The following PLS1 variants were observed in gnomAD, a reference collection of about 807,000 sequenced individuals.
PLS1 encodes plastin 1, also known as plastin-1.
PLS1 carries 32 observed loss-of-function variants against 73.7 expected under a neutral mutation model. The ratio of observed to expected loss-of-function variants is 0.43; its 90% CI spans 0.33 to 0.58. PLS1 has a LOEUF of 0.58. Ranked by LOEUF, PLS1 falls within the 20% of genes least tolerant of loss-of-function variation. The probability of loss-of-function intolerance (pLI) is 0.04; values close to 1 mark genes in which losing one functional copy is unlikely to be tolerated. For missense variants in PLS1, 633 were observed against 740.5 expected (o/e 0.85, Z 1.68); for synonymous variants, 217 against 261.3 (o/e 0.83, Z 1.63).
intron 1 of PLS1, among the ~76,000 whole-genome samples, chr3:142,631,639 C>T (rs1435207449): frequency 1.9e-5 from 2 of 104,744 alleles, no homozygotes; most frequent in Admixed American, 3.0e-4. Flanking sequence ...CCAGCCTAGA[C>T]AACAGAGTTG....
intron 11 of PLS1, among the ~76,000 whole-genome samples, chr3:142,695,982 T>C (rs1451300350): frequency 1.3e-5 from 2 of 152,002 alleles, no homozygotes; most frequent in Non-Finnish European, 2.9e-5. Flanking sequence ...TTAGTAGAGA[T>C]GGGGTTTCTC....
chr3:142,664,687 G>T (rs2037439787), intron 2 of PLS1, among the ~76,000 whole-genome samples: 1 of 152,108 alleles, frequency 6.6e-6, no homozygotes. Context: ...CTGACTTCAT[G>T]CAGAATATTT....
At chr3:142,610,632 G>T (rs1708353726) in intron 1 of PLS1, among the ~76,000 whole-genome samples, 1 of 151,926 alleles carries the variant, frequency 6.6e-6, no homozygotes, top group African/African-American at 2.4e-5. Context: ...TTGTTAGTTT[G>T]TCCTTTTGAT....
At chr3:142,651,079 G>A (rs2037077581) in intron 1 of PLS1, among the ~76,000 whole-genome samples, 1 of 152,134 alleles carries the variant, frequency 6.6e-6, no homozygotes, top group Admixed American at 6.5e-5. Flanking sequence ...AATTTAGAGA[G>A]CAAATGTTTT....
At chr3:142,648,641 GT>G (rs2037011838) in intron 1 of PLS1, among the ~76,000 whole-genome samples, 1 of 152,196 alleles carries the variant, frequency 6.6e-6, no homozygotes, top group African/African-American at 2.4e-5. Context: ...CATTTCTAAT[GT>G]TCCTACATAA....
At chr3:142,608,209 A>C (rs1216804090) in intron 1 of PLS1, among the ~76,000 whole-genome samples, 2 of 152,180 alleles carry the variant, frequency 1.3e-5, no homozygotes, top group African/African-American at 2.4e-5. Context: ...GCAGACATTT[A>C]ACTTAAGATA....
intron 4 of PLS1, among the ~76,000 whole-genome samples, chr3:142,673,320 G>A: frequency 6.6e-6 from 1 of 152,070 alleles, no homozygotes; most frequent in African/African-American, 2.4e-5. Context: ...TGTGAGCCAT[G>A]GTACCTGGCC....
intron 1 of PLS1, among the ~76,000 whole-genome samples, chr3:142,603,020 C>T (rs1560025594): frequency 2.0e-5 from 3 of 152,122 alleles, no homozygotes; most frequent in Admixed American, 6.5e-5. Flanking sequence ...CATCCAGTTC[C>T]GAATTAACAT....
chr3:142,620,776 T>C (rs954150192), intron 1 of PLS1, among the ~76,000 whole-genome samples: 8 of 152,100 alleles, frequency 5.3e-5, no homozygotes, highest in Middle Eastern at 3.2e-3. Flanking sequence ...CACAGCACTT[T>C]GGGAGGCCAA....
chr3:142,599,011 A>C (rs2035863074), intron 1 of PLS1, among the ~76,000 whole-genome samples: 1 of 151,974 alleles, frequency 6.6e-6, no homozygotes, highest in Admixed American at 6.6e-5. Context: ...AAAAAAAAAA[A>C]AAGTACCTCG....
At chr3:142,675,443 C>T (rs1334078344) in intron 4 of PLS1, among the ~76,000 whole-genome samples, 3 of 151,974 alleles carry the variant, frequency 2.0e-5, no homozygotes, top group Admixed American at 6.6e-5. Flanking sequence ...AGTGCAGTGG[C>T]GCGATCTCGG....
chr3:142,670,594 T>C (rs2037584601), intron 3 of PLS1, among the ~76,000 whole-genome samples: 1 of 152,228 alleles, frequency 6.6e-6, no homozygotes, highest in Non-Finnish European at 1.5e-5. Context: ...TGTAAGCCTA[T>C]GTTATTTCCT....
intron 6 of PLS1, among the ~76,000 whole-genome samples, chr3:142,682,540 C>T (rs1030072304): frequency 6.6e-6 from 1 of 152,174 alleles, no homozygotes; most frequent in African/African-American, 2.4e-5. Flanking sequence ...TTTTGGCCCA[C>T]AGTACCATGC....
chr3:142,701,531 C>T (rs574984870), intron 12 of PLS1, among the ~76,000 whole-genome samples: 4 of 152,156 alleles, frequency 2.6e-5, no homozygotes, highest in African/African-American at 9.7e-5. Flanking sequence ...CCTCTAGGAA[C>T]CTAATTTCTC....
chr3:142,638,249 C>G (rs2036741967), intron 1 of PLS1, among the ~76,000 whole-genome samples: 1 of 152,198 alleles, frequency 6.6e-6, no homozygotes, highest in Non-Finnish European at 1.5e-5. Flanking sequence ...TTCTTCCACT[C>G]TAAAAAGTGA....
intron 2 of PLS1, among the ~76,000 whole-genome samples, chr3:142,668,442 C>T (rs936966803): frequency 1.3e-5 from 2 of 152,110 alleles, no homozygotes; most frequent in Non-Finnish European, 2.9e-5. Flanking sequence ...AGAACTGCCA[C>T]CAAATGAAAC....
rs1171297517 is a variant in PLS1, at chr3:142,650,211, C to CTTTTTTTTT, written c.-36-13974_-36-13966dup. On this transcript the variant is annotated intron_variant, in intron 1 of 15. Coordinates refer to ENST00000457734, the MANE Select transcript of PLS1 (RefSeq NM_001145319.2). ...GCAGTGTTGGTTTTGGCTTCTTCTT[C>CTTTTTTTTT]TTTTTTTTTTTTTTTTTTTTTTTTT... Among the ~76,000 whole-genome samples the CTTTTTTTTT allele has an allele frequency of 2.3e-3, 161 of 70,898 alleles. 2 individuals carry two copies. The highest frequency in any genetic ancestry group is 2.7e-3 in the African/African-American group (48 of 17,534). 46.5% of individuals were successfully genotyped at this position (70,898 alleles called of 152,430 possible).
chr3:142,668,765 C>A (rs1277760216), intron 2 of PLS1, among the ~76,000 whole-genome samples: 1 of 152,072 alleles, frequency 6.6e-6, no homozygotes, highest in East Asian at 1.9e-4. Flanking sequence ...CTATGCCCAG[C>A]TAATTTTTCC....
chr3:142,625,117 A>T (rs2036394549), intron 1 of PLS1, among the ~76,000 whole-genome samples: 1 of 152,182 alleles, frequency 6.6e-6, no homozygotes, highest in Admixed American at 6.5e-5. Context: ...CAGTGCTGTA[A>T]AAGGCACTAT....
Sources: allele counts gnomAD v4.1 joint callset (sites outside exome capture counted in the v4.1 genomes callset), GRCh38; gene constraint gnomAD v4.1.1; transcripts MANE v1.5; gene names NCBI Gene and HGNC (gene_info 2026-07-23, HGNC 2026-07-21).